COL21A1: variants seen among roughly 807,000 people sequenced by gnomAD.
COL21A1 encodes the protein collagen type XXI alpha 1 chain.
In COL21A1, 149 loss-of-function variants were observed where a neutral mutation model predicts 137.9. The observed-to-expected ratio is 1.08, with a 90% confidence interval of 0.95 to 1.24. The LOEUF (loss-of-function observed/expected upper bound fraction) is 1.24. Ranked by LOEUF, COL21A1 falls within the 50% of genes most tolerant of loss-of-function variation. COL21A1 has a pLI of 0.00. For missense variants in COL21A1, 1,167 were observed against 1,158.4 expected, an observed-to-expected ratio of 1.01 and a Z score of -0.11; for synonymous variants, 456 against 391.5, an observed-to-expected ratio of 1.16 and a Z score of -1.95.
chr6:56,235,574 G>A (rs550453775), intron 1 of COL21A1, among the ~76,000 whole-genome samples: 4 of 151,890 alleles, frequency 2.6e-5, no homozygotes, highest in Admixed American at 1.3e-4. Context: ...AATACTGTTC[G>A]TGATAGTTCA....
At chr6:56,202,147 C>G (rs1779450478) in intron 1 of COL21A1, among the ~76,000 whole-genome samples, 1 of 151,978 alleles carries the variant, frequency 6.6e-6, no homozygotes, top group Non-Finnish European at 1.5e-5. Flanking sequence ...GAAGTTTTTA[C>G]TCTTTCCAAA....
intron 7 of COL21A1, among the ~76,000 whole-genome samples, chr6:56,166,178 G>A (rs2152269052): frequency 6.6e-6 from 1 of 151,652 alleles, no homozygotes; most frequent in South Asian, 2.1e-4. Context: ...TGCTGTTTGG[G>A]GTGTTCTGTC....
chr6:56,242,221 T>A (rs1782370821), intron 1 of COL21A1, among the ~76,000 whole-genome samples: 1 of 152,190 alleles, frequency 6.6e-6, no homozygotes, highest in African/African-American at 2.4e-5. Context: ...ATTTAATATT[T>A]TAATAAGTTG....
intron 1 of COL21A1, among the ~76,000 whole-genome samples, chr6:56,333,114 C>A (rs1765266559): frequency 6.6e-6 from 1 of 152,026 alleles, no homozygotes; most frequent in African/African-American, 2.4e-5. Flanking sequence ...TGAAACAGTT[C>A]TATTGAGGTA....
intron 12 of COL21A1, among the ~76,000 whole-genome samples, chr6:56,129,555 T>C (rs775241559): frequency 3.3e-5 from 5 of 152,208 alleles, no homozygotes; most frequent in African/African-American, 1.2e-4. Flanking sequence ...AGAATAACTA[T>C]GTTTCCAGTC....
At chr6:56,290,055 C>T (rs1358817691) in intron 1 of COL21A1, among the ~76,000 whole-genome samples, 1 of 152,130 alleles carries the variant, frequency 6.6e-6, no homozygotes, top group African/African-American at 2.4e-5. Context: ...AAGTAACCCC[C>T]TATTAAAACC....
At chr6:56,291,270 G>A (rs774488158) in intron 1 of COL21A1, among the ~76,000 whole-genome samples, 2 of 152,172 alleles carry the variant, frequency 1.3e-5, no homozygotes, top group Non-Finnish European at 2.9e-5. Flanking sequence ...CAAAAAGAAA[G>A]AGATTGGATC....
intron 1 of COL21A1, among the ~76,000 whole-genome samples, chr6:56,385,985 C>T (rs2894836): frequency 0.24 from 35,648 of 151,656 alleles, 5,469 homozygotes; most frequent in East Asian, 0.62. Flanking sequence ...CTGCAACCTC[C>T]ACCTCCCGGG....
chr6:56,292,404 C>T (rs1764069934), intron 1 of COL21A1, among the ~76,000 whole-genome samples: 1 of 143,042 alleles, frequency 7.0e-6, no homozygotes, highest in South Asian at 2.7e-4. Context: ...CCCCCCCTCC[C>T]CCGCCAAAGA....
chr6:56,135,682 A>AAAT (rs1001508680), intron 12 of COL21A1, among the ~76,000 whole-genome samples: 1 of 152,150 alleles, frequency 6.6e-6, no homozygotes, highest in African/African-American at 2.4e-5. Context: ...GGTAATGCCT[A>AAAT]AATAATAATA....
chr6:56,155,292 G>A (rs993739791), intron 10 of COL21A1, among the ~76,000 whole-genome samples: 3 of 152,102 alleles, frequency 2.0e-5, no homozygotes, highest in African/African-American at 7.2e-5. Context: ...AGTATAAAAA[G>A]CCTCAGCACA....
chr6:56,298,610 G>A (rs1297873795), intron 1 of COL21A1, among the ~76,000 whole-genome samples: 1 of 152,066 alleles, frequency 6.6e-6, no homozygotes, highest in Non-Finnish European at 1.5e-5. Flanking sequence ...CTAAAGAGTT[G>A]GTGGCAAGGG....
rs1402170446 is a variant in COL21A1, at chr6:56,150,565, C to CACACACACACACAA, written c.1434+6321_1434+6322insTTGTGTGTGTGTGT. Among the ~76,000 whole-genome samples, 549 of 112,702 alleles carry CACACACACACACAA rather than the reference C, an allele frequency of 4.9e-3. 21 individuals are homozygous for CACACACACACACAA. The highest frequency in any genetic ancestry group is 0.017 in the African/African-American group (470 of 27,616). The allele number at this position is 112,702 out of a possible 152,430, so 73.9% of individuals were successfully genotyped here. The stretch of plus-strand genomic sequence containing the variant: ...ACACACACACACACACACACACACA[C>CACACACACACACAA]AAGAGTGGGGGGAACTGAATCACGA... On this transcript the variant is annotated intron_variant, in intron 10 of 29. Transcript: ENST00000244728.
At chr6:56,078,663 C>T (rs922888169) in intron 17 of COL21A1, among the ~76,000 whole-genome samples, 9 of 151,640 alleles carry the variant, frequency 5.9e-5, no homozygotes, top group African/African-American at 2.2e-4. Context: ...ATGTGCTAAT[C>T]GCAATTATAG....
chr6:56,255,334 GGTGTGTGTGTGTGTGT>G (rs71783697), intron 1 of COL21A1, among the ~76,000 whole-genome samples: 2 of 145,592 alleles, frequency 1.4e-5, no homozygotes, highest in Non-Finnish European at 3.0e-5. Context: ...TTGTTAAGAG[GGTGTGTGTGTGTGTGT>G]GTGTGTGTGT....
chr6:56,143,520 C>T (rs1774594699), intron 10 of COL21A1, among the ~76,000 whole-genome samples: 1 of 152,060 alleles, frequency 6.6e-6, no homozygotes, highest in Non-Finnish European at 1.5e-5. Flanking sequence ...TTTTTTATCA[C>T]CAACCATCAT....
intron 1 of COL21A1, among the ~76,000 whole-genome samples, chr6:56,271,680 C>G (rs867477654): frequency 1.2e-4 from 18 of 152,218 alleles, no homozygotes; most frequent in African/African-American, 4.1e-4. Flanking sequence ...CCTCCAAACA[C>G]AAGCCCAAAG....
chr6:56,312,722 G>GA (rs57185082), intron 1 of COL21A1, among the ~76,000 whole-genome samples: 131,791 of 151,992 alleles, frequency 0.87, 58,938 homozygotes, highest in South Asian at 0.99. Flanking sequence ...TAGTGAAAAA[G>GA]AAAACATTAT....
intron 1 of COL21A1, among the ~76,000 whole-genome samples, chr6:56,324,852 G>A (rs748691989): frequency 1.2e-4 from 18 of 152,006 alleles, no homozygotes; most frequent in Admixed American, 3.3e-4. Context: ...ATCTTAAAGC[G>A]GGTCAGTAAA....
Sources: allele counts gnomAD v4.1 joint callset (sites outside exome capture counted in the v4.1 genomes callset), GRCh38; gene constraint gnomAD v4.1.1; transcripts MANE v1.5; gene names NCBI Gene and HGNC (gene_info 2026-07-23, HGNC 2026-07-21).